The following BMPR1A variants were observed in gnomAD, a reference collection of about 807,000 sequenced individuals.
BMPR1A encodes bone morphogenetic protein receptor type 1A.
In BMPR1A, 7 loss-of-function variants were observed where a neutral mutation model predicts 66.0. The ratio of observed to expected loss-of-function variants is 0.11; its 90% CI spans 0.06 to 0.20. The LOEUF is 0.20. BMPR1A is among the 10% of genes least tolerant of loss of function. The pLI is 1.00. For missense variants in BMPR1A, 408 were observed against 669.1 expected (o/e 0.61, Z 4.31); for synonymous variants, 200 against 229.7 (o/e 0.87, Z 1.17).
intron 1 of BMPR1A, among the ~76,000 whole-genome samples, chr10:86,798,877 G>A (rs954413106): frequency 6.6e-6 from 1 of 152,210 alleles, no homozygotes; most frequent in African/African-American, 2.4e-5. Context: ...TTTATTGCAT[G>A]TGAGCTGAGC....
chr10:86,922,258 A>T (rs1233127165), intron 11 of BMPR1A, among the ~76,000 whole-genome samples: 1 of 151,940 alleles, frequency 6.6e-6, no homozygotes, highest in Non-Finnish European at 1.5e-5. Flanking sequence ...GCTGAATGAT[A>T]CTCCATTGTG....
At position 86,816,380 on chromosome 10, in the gene BMPR1A, G is replaced by A. The variant is rs552794266; in HGVS notation, c.-267-22485G>A. 3.3e-5 allele frequency among the ~76,000 whole-genome samples: 5 copies of A among 151,978 alleles called. No individual in the cohort carries two copies. In the South Asian group the frequency reaches 8.3e-4, roughly 25 times the overall value. On this transcript the variant is annotated intron_variant, in intron 1 of 12. Transcript: ENST00000372037. ...GCTTAGAAAATTTAAAATTATACAC[G>A]TGGTCACATTTGTGGCATTATCCGC...
intron 1 of BMPR1A, among the ~76,000 whole-genome samples, chr10:86,769,927 C>A (rs556960068): frequency 2.0e-5 from 3 of 152,210 alleles, no homozygotes; most frequent in African/African-American, 7.2e-5. Flanking sequence ...GTGGGTAATG[C>A]AGATGTAACC....
intron 2 of BMPR1A, among the ~76,000 whole-genome samples, chr10:86,851,114 T>A (rs1842561755): frequency 6.6e-6 from 1 of 152,208 alleles, no homozygotes; most frequent in Non-Finnish European, 1.5e-5. Context: ...ATTTCTGTTC[T>A]CTGATGTCTA....
chr10:86,847,159 TG>T (rs2133158096), intron 2 of BMPR1A, among the ~76,000 whole-genome samples: 1 of 152,218 alleles, frequency 6.6e-6, no homozygotes, highest in East Asian at 1.9e-4. Flanking sequence ...CTGGCCCATT[TG>T]GGGTACTTTT....
At chr10:86,845,746 C>T (rs1404416116) in intron 2 of BMPR1A, among the ~76,000 whole-genome samples, 1 of 152,126 alleles carries the variant, frequency 6.6e-6, no homozygotes, top group Non-Finnish European at 1.5e-5. Flanking sequence ...GCCTGTAATC[C>T]CAGCACTTTG....
chr10:86,895,581 C>T (rs576036450), intron 5 of BMPR1A, among the ~76,000 whole-genome samples: 56 of 152,114 alleles, frequency 3.7e-4, no homozygotes, highest in Middle Eastern at 3.4e-3. Context: ...AGTCTCCTTC[C>T]GTGATCATCA....
At position 86,927,834 on chromosome 10, in the gene BMPR1A, C is replaced by T. The variant is rs927849458; in HGVS notation, c.*4115C>T. The T allele has an allele frequency of 1.2e-4, 24 of 196,748 alleles. No individual in the cohort carries two copies. Among genetic ancestry groups the T allele is most frequent in the African/African-American group, 4.8e-4 (21 of 43,350 alleles). The allele number at this position is 196,748 out of a possible 1,614,324, so 12.2% of individuals were successfully genotyped here. Reference sequence around the variant, plus strand: ...ACCAAAAATATAGATTCGTCTTTGACGTGTAACACACTAAATGTATTTTGT... The same window carrying T: ...ACCAAAAATATAGATTCGTCTTTGATGTGTAACACACTAAATGTATTTTGT... On this transcript the variant is annotated 3_prime_UTR_variant, in exon 13 of 13. Transcript: ENST00000372037.
chr10:86,820,703 A>T lies in BMPR1A; in HGVS notation c.-267-18162A>T, dbSNP rs559216278. Among the ~76,000 whole-genome samples the T allele has an allele frequency of 8.5e-5, 13 of 152,230 alleles. No individual in the cohort carries two copies. In the South Asian group the frequency reaches 2.5e-3, roughly 29 times the overall value. ...TTGCCCTCCCCCCGGACTTCTCCGG[A>T]TGCTAGTTGATGCCTGTTTAGCACC... On this transcript the variant is annotated intron_variant, in intron 1 of 12. Transcript: ENST00000372037.
intron 1 of BMPR1A, among the ~76,000 whole-genome samples, chr10:86,832,886 T>C (rs1842291808): frequency 6.6e-6 from 1 of 152,210 alleles, no homozygotes; most frequent in South Asian, 2.1e-4. Context: ...TGTAGATAAA[T>C]CTTTGTGTGG....
At chr10:86,871,229 AT>A (rs1842851509) in intron 2 of BMPR1A, among the ~76,000 whole-genome samples, 1 of 152,156 alleles carries the variant, frequency 6.6e-6, no homozygotes, top group Non-Finnish European at 1.5e-5. Flanking sequence ...CACTGCCCCT[AT>A]TCCTTCAGGA....
intron 9 of BMPR1A, among the ~76,000 whole-genome samples, chr10:86,917,785 C>A (rs981336293): frequency 6.6e-6 from 1 of 152,204 alleles, no homozygotes; most frequent in African/African-American, 2.4e-5. Context: ...GTACATAAGC[C>A]GATCTGGCTA....
chr10:86,858,864 G>A (rs1195790961), intron 2 of BMPR1A, among the ~76,000 whole-genome samples: 1 of 152,110 alleles, frequency 6.6e-6, no homozygotes, highest in Non-Finnish European at 1.5e-5. Context: ...GCAAGCTATA[G>A]ATTCAATGCA....
Position 86,920,965 on chromosome 10 carries a change from C to T in BMPR1A, c.1167-555C>T, listed in dbSNP as rs531310868. 8.9e-5 allele frequency among the ~76,000 whole-genome samples: 13 copies of T among 146,736 alleles called. No individual in the cohort carries two copies. The East Asian group carries it at 2.0e-3, about 23-fold the overall frequency. ...CCGCCTCCCAGGTTCAAGTAATTTT[C>T]GTGCTTCAGCCTCCCAAGTAGCTGG... On this transcript the variant is annotated intron_variant, in intron 10 of 12. Coordinates refer to ENST00000372037, the MANE Select transcript of BMPR1A (RefSeq NM_004329.3).
intron 1 of BMPR1A, among the ~76,000 whole-genome samples, chr10:86,770,575 A>G (rs1158868773): frequency 6.6e-6 from 1 of 152,140 alleles, no homozygotes; most frequent in Non-Finnish European, 1.5e-5. Flanking sequence ...ATTAGCCAGG[A>G]AAGTGGCAAC....
chr10:86,767,974 C>T (rs1298810301), intron 1 of BMPR1A, among the ~76,000 whole-genome samples: 1 of 152,170 alleles, frequency 6.6e-6, no homozygotes, highest in African/African-American at 2.4e-5. Context: ...TGCAACAGCC[C>T]ATTGTTCTTT....
At chr10:86,773,853 T>C (rs1201527057) in intron 1 of BMPR1A, among the ~76,000 whole-genome samples, 1 of 133,750 alleles carries the variant, frequency 7.5e-6, no homozygotes, top group East Asian at 3.4e-4. Flanking sequence ...TGTATTTCAT[T>C]CTTTTTTTTT....
At chr10:86,875,797 C>T in intron 2 of BMPR1A, 70 bp from the exon 3 acceptor site, 6 of 576,390 alleles carry the variant, frequency 1.0e-5, no homozygotes, top group South Asian at 4.4e-5. Flanking sequence ...CATTTGTTTC[C>T]CTTTTAGTTT....
At chr10:86,897,214 A>G (rs1178215595) in intron 5 of BMPR1A, among the ~76,000 whole-genome samples, 1 of 152,234 alleles carries the variant, frequency 6.6e-6, no homozygotes, top group South Asian at 2.1e-4. Context: ...TTAATTCATC[A>G]GTGCCAAGTA....
Sources: allele counts gnomAD v4.1 joint callset (sites outside exome capture counted in the v4.1 genomes callset), GRCh38; gene constraint gnomAD v4.1.1; transcripts MANE v1.5; gene names NCBI Gene and HGNC (gene_info 2026-07-23, HGNC 2026-07-21).